MTMR3: variants seen among roughly 807,000 people sequenced by gnomAD.
MTMR3 encodes myotubularin related protein 3.
In MTMR3, 32 loss-of-function variants were observed where a neutral mutation model predicts 132.4. The ratio of observed to expected loss-of-function variants is 0.24; its 90% CI spans 0.18 to 0.32. The LOEUF is 0.32. Ranked by LOEUF, MTMR3 falls within the 10% of genes least tolerant of loss-of-function variation. MTMR3 has a pLI of 1.00. For missense variants in MTMR3, 1,216 were observed against 1,489.6 expected (o/e 0.82, Z 3.02); for synonymous variants, 556 against 550.3 (o/e 1.01, Z -0.14).
In MTMR3 at chr22:30,016,613, A is replaced by G; in HGVS notation, c.1589A>G (p.Gln530Arg). 1 of 1,614,212 alleles carries G rather than the reference A, an allele frequency of 6.2e-7. No homozygotes were observed. Among genetic ancestry groups the G allele is most frequent in the Non-Finnish European group, 8.5e-7 (1 of 1,180,026 alleles). The change falls in exon 15 of 20, where the codon CAG (glutamine) becomes CGG (arginine). Residue 530 changes from glutamine (Q) to arginine (R), a missense_variant. By Grantham distance (43) the Gln-to-Arg change is conservative (BLOSUM62 1). Transcript: ENST00000401950. ...NAKERGEKHT[Q>R]ERTCSVWSLL... ...AAGGAGAGAGGGGAAAAGCATACTCAGGAACGGACATGTTCCGTGTGGTCA... is the reference window on the plus strand; with the variant it reads ...AAGGAGAGAGGGGAAAAGCATACTCGGGAACGGACATGTTCCGTGTGGTCA...
chr22:30,022,931 G>T, intron 19 of MTMR3: 3 of 519,622 alleles, frequency 5.8e-6, no homozygotes, highest in Non-Finnish European at 1.0e-5. Flanking sequence ...GCATTTTGTT[G>T]TTTCCCAGAT....
intron 1 of MTMR3, among the ~76,000 whole-genome samples, chr22:29,942,810 T>C (rs2065882281): frequency 6.6e-6 from 1 of 152,254 alleles, no homozygotes; most frequent in South Asian, 2.1e-4. Context: ...TATCCTGTTC[T>C]TTTTTCAAGG....
chr22:29,915,397 T>G (rs886558837), intron 1 of MTMR3, among the ~76,000 whole-genome samples: 7 of 152,184 alleles, frequency 4.6e-5, no homozygotes, highest in African/African-American at 1.7e-4. Context: ...GCTTTTTTAT[T>G]TAGGCTGACG....
chr22:29,998,934 A>G, intron 8 of MTMR3, 77 bp downstream of exon 8: 1 of 875,906 alleles, frequency 1.1e-6, no homozygotes, highest in Non-Finnish European at 1.7e-6. Flanking sequence ...GTGGCAGAAC[A>G]TTTGAACTTA....
At chr22:29,963,589 C>T (rs763171069) in intron 2 of MTMR3, among the ~76,000 whole-genome samples, 6 of 151,888 alleles carry the variant, frequency 4.0e-5, no homozygotes, top group Middle Eastern at 3.4e-3. Context: ...GGGGTTTCAC[C>T]GTTGGCCGGG....
At chr22:30,006,029 G>A (rs531366169) in intron 9 of MTMR3, 12 of 152,180 alleles carry the variant, frequency 7.9e-5, no homozygotes, top group African/African-American at 2.6e-4. Context: ...GTTAATTGTC[G>A]TACAATAAGT....
At chr22:30,018,983 C>G (rs2067672899) in intron 16 of MTMR3, 1 of 152,724 alleles carries the variant, frequency 6.5e-6, no homozygotes, top group Non-Finnish European at 1.5e-5. Flanking sequence ...GTGGGCGGAT[C>G]ACCTGAGGTC....
intron 1 of MTMR3, among the ~76,000 whole-genome samples, chr22:29,946,430 G>C (rs763950424): frequency 7.2e-5 from 11 of 152,162 alleles, no homozygotes; most frequent in Non-Finnish European, 1.5e-4. Context: ...TAGTAGCTGA[G>C]GGCTCGAGAG....
At chr22:29,953,593 C>T (rs780971157) in intron 1 of MTMR3, among the ~76,000 whole-genome samples, 4 of 152,176 alleles carry the variant, frequency 2.6e-5, no homozygotes, top group African/African-American at 7.2e-5. Flanking sequence ...ATGATGATAT[C>T]CAATACTGTA....
At chr22:29,968,510 C>T (rs941281470) in intron 2 of MTMR3, among the ~76,000 whole-genome samples, 1 of 152,172 alleles carries the variant, frequency 6.6e-6, no homozygotes, top group Non-Finnish European at 1.5e-5. Context: ...CTCAAATTTT[C>T]TCTGCCTTTG....
At chr22:30,016,489 G>A in intron 14 of MTMR3, 39 bp from the exon 15 acceptor site, 1 of 1,603,848 alleles carries the variant, frequency 6.2e-7, no homozygotes, top group South Asian at 1.1e-5. Flanking sequence ...GAGTGTGCAT[G>A]CCTGATTGCT....
intron 1 of MTMR3, among the ~76,000 whole-genome samples, chr22:29,956,349 T>C (rs1305812564): frequency 6.6e-6 from 1 of 152,072 alleles, no homozygotes; most frequent in Non-Finnish European, 1.5e-5. Flanking sequence ...CGTGTTCAAG[T>C]AATTGTCCTG....
chr22:29,903,807 A>G (rs999114450), intron 1 of MTMR3, among the ~76,000 whole-genome samples: 4 of 152,124 alleles, frequency 2.6e-5, no homozygotes, highest in Non-Finnish European at 4.4e-5. Flanking sequence ...TCATTAATGT[A>G]TGTTCCTTCT....
chr22:29,970,889 A>G (rs1179135936), intron 2 of MTMR3, 87 bp from the exon 3 acceptor site: 4 of 603,650 alleles, frequency 6.6e-6, no homozygotes, highest in South Asian at 2.4e-5. Flanking sequence ...TTGTGAGGAT[A>G]TGGCCGATTA....
intron 1 of MTMR3, among the ~76,000 whole-genome samples, chr22:29,922,615 G>A (rs555732658): frequency 6.6e-6 from 1 of 152,052 alleles, no homozygotes; most frequent in Non-Finnish European, 1.5e-5. Context: ...TGGTGTACAC[G>A]TATCTGTGTA....
Position 30,026,241 on chromosome 22 carries a change from C to A in MTMR3, c.*440C>A. The A allele has an allele frequency of 5.9e-6, 1 of 170,330 alleles. No homozygotes were observed. 10.6% of individuals were successfully genotyped at this position (170,330 alleles called of 1,614,324 possible). On this transcript the variant is annotated 3_prime_UTR_variant, in exon 20 of 20. Coordinates refer to ENST00000401950, the MANE Select transcript of MTMR3 (RefSeq NM_021090.4). Reference sequence around the variant, plus strand: ...TGCTAACATGCAACCATTCCTCACGCCACCGCCACATCAGAGCTGGTTGGG... The same window carrying A: ...TGCTAACATGCAACCATTCCTCACGACACCGCCACATCAGAGCTGGTTGGG...
chr22:29,974,189 C>G (rs1354686053), intron 3 of MTMR3, among the ~76,000 whole-genome samples: 2 of 152,098 alleles, frequency 1.3e-5, no homozygotes, highest in African/African-American at 2.4e-5. Flanking sequence ...ACGTTTGTTT[C>G]CAAAACTGTT....
Position 30,026,092 on chromosome 22 carries a change from T to C in MTMR3, c.*291T>C, listed in dbSNP as rs985106146. ...GAAGACCAAGGGTTGCCAGGCCCAC[T>C]GTAACTGCCGAGCTGCCTGCTGTCA... On this transcript the variant is annotated 3_prime_UTR_variant, in exon 20 of 20. Coordinates refer to ENST00000401950, the MANE Select transcript of MTMR3 (RefSeq NM_021090.4). 2 of 321,914 alleles carry C rather than the reference T, an allele frequency of 6.2e-6. No individual in the cohort carries two copies. Among genetic ancestry groups the C allele is most frequent in the African/African-American group, 4.2e-5 (2 of 47,572 alleles). 19.9% of individuals were successfully genotyped at this position (321,914 alleles called of 1,614,324 possible).
At chr22:29,903,390 C>CTT (rs35625964) in intron 1 of MTMR3, among the ~76,000 whole-genome samples, 3,386 of 119,646 alleles carry the variant, frequency 0.028, 111 homozygotes, top group African/African-American at 0.039. Context: ...CTTTTTCTTT[C>CTT]TTTTTTTTTT....
Sources: gnomAD v4.1 joint callset for allele counts (sites outside exome capture counted in the v4.1 genomes callset) on GRCh38, gnomAD v4.1.1 for gene constraint, MANE v1.5 for transcripts, NCBI Gene and HGNC (gene_info 2026-07-23, HGNC 2026-07-21) for gene names.